LIN7A: variants seen among roughly 807,000 people sequenced by gnomAD.
LIN7A encodes protein lin-7 homolog A.
In LIN7A, 25 loss-of-function variants were observed where a neutral mutation model predicts 29.8. The ratio of observed to expected loss-of-function variants is 0.84; its 90% CI spans 0.61 to 1.17. The LOEUF is 1.17. Ranked by LOEUF, LIN7A falls within the 50% of genes most tolerant of loss-of-function variation. The pLI is 0.00. For missense variants in LIN7A, 239 were observed against 287.0 expected (o/e 0.83, Z 1.21); for synonymous variants, 118 against 107.5 (o/e 1.10, Z -0.60).
chr12:80,926,852 C>G (rs2120920389), intron 1 of LIN7A, among the ~76,000 whole-genome samples: 1 of 143,540 alleles, frequency 7.0e-6, no homozygotes, highest in East Asian at 2.1e-4. Flanking sequence ...TGGGTGAACC[C>G]GGGAGGCGGA....
chr12:80,815,427 A>G (rs1479140424), intron 4 of LIN7A, among the ~76,000 whole-genome samples: 1 of 152,260 alleles, frequency 6.6e-6, no homozygotes, highest in Non-Finnish European at 1.5e-5. Context: ...TTCAGCATCT[A>G]TTCTTGCTTT....
intron 2 of LIN7A, among the ~76,000 whole-genome samples, chr12:80,888,445 C>T (rs1269025928): frequency 6.6e-6 from 1 of 152,106 alleles, no homozygotes; most frequent in Admixed American, 6.6e-5. Flanking sequence ...CTGCTCTACG[C>T]TACAATAAAC....
At chr12:80,858,908 A>G (rs1346307052) in intron 2 of LIN7A, among the ~76,000 whole-genome samples, 1 of 152,166 alleles carries the variant, frequency 6.6e-6, no homozygotes, top group African/African-American at 2.4e-5. Flanking sequence ...ATTATCCAGG[A>G]ACAATTAGGG....
intron 1 of LIN7A, among the ~76,000 whole-genome samples, chr12:80,899,332 T>A (rs1876074548): frequency 6.6e-6 from 1 of 152,172 alleles, no homozygotes. Context: ...GGATAAAGCT[T>A]TTTCGATCGT....
At position 80,793,429 on chromosome 12, in the gene LIN7A, A is replaced by G. The variant is rs930995227; in HGVS notation, c.*4298T>C. On this transcript the variant is annotated 3_prime_UTR_variant, in exon 6 of 6. Transcript: ENST00000552864. ...CACAAATCTGTGCAGGGAGTATTTCATGACTTCCATGGGGTGAGGAATTTT... is the reference window on the plus strand; with the variant it reads ...CACAAATCTGTGCAGGGAGTATTTCGTGACTTCCATGGGGTGAGGAATTTT... 1 of 152,170 alleles carries G rather than the reference A, an allele frequency of 6.6e-6. No homozygotes were observed. The highest frequency in any genetic ancestry group is 2.4e-5 in the African/African-American group (1 of 41,456). The allele number at this position is 152,170 out of a possible 1,614,324, so 9.4% of individuals were successfully genotyped here. A position where few individuals can be genotyped will look rare whatever the true frequency, so the allele number is the denominator to read the frequency against.
At chr12:80,822,326 G>T (rs1208314773) in intron 4 of LIN7A, among the ~76,000 whole-genome samples, 1 of 152,210 alleles carries the variant, frequency 6.6e-6, no homozygotes, top group East Asian at 1.9e-4. Flanking sequence ...GGGAGGCTGA[G>T]GTGGGTGGAT....
intron 1 of LIN7A, among the ~76,000 whole-genome samples, chr12:80,917,997 T>G (rs1219574146): frequency 2.6e-5 from 4 of 152,328 alleles, no homozygotes; most frequent in Non-Finnish European, 5.9e-5. Flanking sequence ...CCAGTATGCC[T>G]TGGCCTACAA....
chr12:80,889,441 C>G, intron 1 of LIN7A, 72 bp from the exon 2 acceptor site: 1 of 920,546 alleles, frequency 1.1e-6, no homozygotes, highest in South Asian at 1.4e-5. Flanking sequence ...TACTATTATT[C>G]CAGTTGGATG....
At chr12:80,870,559 A>C (rs1182493423) in intron 2 of LIN7A, among the ~76,000 whole-genome samples, 2 of 152,214 alleles carry the variant, frequency 1.3e-5, no homozygotes, top group Non-Finnish European at 2.9e-5. Flanking sequence ...TTCTTATAAC[A>C]ACATGGAGGA....
intron 2 of LIN7A, among the ~76,000 whole-genome samples, chr12:80,869,968 C>T (rs1036030954): frequency 2.0e-5 from 3 of 151,970 alleles, no homozygotes; most frequent in African/African-American, 7.2e-5. Context: ...GAAAGCTAGC[C>T]AGATGTTTTA....
intron 4 of LIN7A, among the ~76,000 whole-genome samples, chr12:80,834,789 C>T (rs1234119945): frequency 1.3e-5 from 2 of 151,970 alleles, no homozygotes; most frequent in Non-Finnish European, 2.9e-5. Flanking sequence ...TAATTAAAAA[C>T]AGAACAAGAT....
chr12:80,875,889 A>C (rs780994225), intron 2 of LIN7A, among the ~76,000 whole-genome samples: 1 of 152,198 alleles, frequency 6.6e-6, no homozygotes, highest in Non-Finnish European at 1.5e-5. Context: ...TATAGATTTG[A>C]AACTGTTCTG....
chr12:80,842,571 AAAATAT>A (rs1203584951), intron 4 of LIN7A, among the ~76,000 whole-genome samples: 1 of 152,156 alleles, frequency 6.6e-6, no homozygotes, highest in African/African-American at 2.4e-5. Context: ...TTTAAAGCCA[AAAATAT>A]AAATCATTCA....
chr12:80,856,179 T>C (rs959999884), intron 2 of LIN7A, among the ~76,000 whole-genome samples: 1 of 152,122 alleles, frequency 6.6e-6, no homozygotes. Context: ...TCATCAAGGC[T>C]CAAATCGACC....
At chr12:80,920,776 T>C (rs1285441712) in intron 1 of LIN7A, among the ~76,000 whole-genome samples, 1 of 152,162 alleles carries the variant, frequency 6.6e-6, no homozygotes, top group Non-Finnish European at 1.5e-5. Context: ...TTTGAAAACT[T>C]GTTAGTACAT....
chr12:80,804,715 T>C (rs891984754), intron 5 of LIN7A, among the ~76,000 whole-genome samples: 1 of 151,974 alleles, frequency 6.6e-6, no homozygotes, highest in African/African-American at 2.4e-5. Flanking sequence ...ATTTTTTTTT[T>C]TCTTTTTTTT....
chr12:80,811,891 T>C (rs1871308891), intron 4 of LIN7A, among the ~76,000 whole-genome samples: 1 of 152,206 alleles, frequency 6.6e-6, no homozygotes, highest in Non-Finnish European at 1.5e-5. Context: ...CAGAATGGAC[T>C]GTGTGGGGAT....
rs553551186 is a variant in LIN7A at position 80,893,432 on chromosome 12, A to C, written c.83-4063T>G. On this transcript the variant is annotated intron_variant, in intron 1 of 5. Coordinates refer to ENST00000552864, the MANE Select transcript of LIN7A (RefSeq NM_004664.4). ...TAGCTTCCATATGATTTCTAAGACC[A>C]TCAAAAGCTGAGAAAAATATTGTTC... Among the ~76,000 whole-genome samples the C allele has an allele frequency of 2.6e-5, 4 of 152,232 alleles. No individual in the cohort carries two copies. The South Asian group carries it at 8.3e-4, about 32-fold the overall frequency.
intron 1 of LIN7A, among the ~76,000 whole-genome samples, chr12:80,905,560 T>C (rs1876435690): frequency 1.3e-5 from 2 of 152,222 alleles, no homozygotes; most frequent in Non-Finnish European, 2.9e-5. Context: ...TATTTTATTT[T>C]ATCTCCTTGA....
Sources: allele counts gnomAD v4.1 joint callset (sites outside exome capture counted in the v4.1 genomes callset), GRCh38; gene constraint gnomAD v4.1.1; transcripts MANE v1.5; gene names NCBI Gene and HGNC (gene_info 2026-07-23, HGNC 2026-07-21).